Variants in CARMIL1 observed in about 807,000 individuals in gnomAD.
The protein encoded by CARMIL1 is F-actin-uncapping protein LRRC16A.
In CARMIL1, 90 loss-of-function variants were observed where a neutral mutation model predicts 177.1. The observed-to-expected ratio is 0.51, with a 90% confidence interval of 0.43 to 0.61. The LOEUF is 0.61. Among genes scored for constraint, CARMIL1 ranks in the 20% least tolerant of loss-of-function variants. The pLI is 0.00. For synonymous variants in CARMIL1, 577 were observed against 606.2 expected (o/e 0.95, Z 0.71); for missense variants, 1,380 against 1,667.0 (o/e 0.83, Z 3.00).
intron 2 of CARMIL1, among the ~76,000 whole-genome samples, chr6:25,354,752 G>A (rs2150369795): frequency 6.6e-6 from 1 of 152,290 alleles, no homozygotes; most frequent in South Asian, 2.1e-4. Flanking sequence ...ATTAAGCCCA[G>A]CCTGACCTCA....
chr6:25,459,273 T>TCTTTCTTTCTTTCTTTCTTCC (rs1390647134), intron 8 of CARMIL1, among the ~76,000 whole-genome samples: 1 of 132,754 alleles, frequency 7.5e-6, no homozygotes, highest in Non-Finnish European at 1.6e-5. Flanking sequence ...TTTCTTTTTT[T>TCTTTCTTTCTTTCTTTCTTCC]TTTTTTTAAG....
In CARMIL1 at chr6:25,451,993, CCT is replaced by C. The variant is rs1276833141; in HGVS notation, c.614+1284_614+1285del. 1.5e-3 allele frequency: 105 copies of C among 67,910 alleles called. 2 individuals are homozygous for C. Among genetic ancestry groups the C allele is most frequent in the Middle Eastern group, 4.4e-3 (1 of 226 alleles). 4.2% of individuals were successfully genotyped at this position (67,910 alleles called of 1,614,324 possible). A position where few individuals can be genotyped will look rare whatever the true frequency, so the allele number is the denominator to read the frequency against. ...TCTCATCACTAGCATCTTGCCCCCC[CCT>C]CCCCCCCCCAGAATACTGTTTTGAA... On this transcript the variant is annotated intron_variant, in intron 8 of 36. Coordinates refer to ENST00000329474, the MANE Select transcript of CARMIL1 (RefSeq NM_017640.6).
At chr6:25,402,042 T>G (rs1404988783) in intron 2 of CARMIL1, among the ~76,000 whole-genome samples, 1 of 152,090 alleles carries the variant, frequency 6.6e-6, no homozygotes, top group Non-Finnish European at 1.5e-5. Flanking sequence ...CCTTCCTAAT[T>G]TCTCTTCTTT....
chr6:25,442,855 C>T (rs890573607), intron 5 of CARMIL1, among the ~76,000 whole-genome samples: 5 of 152,160 alleles, frequency 3.3e-5, no homozygotes, highest in Non-Finnish European at 7.4e-5. Context: ...TGATTGATTT[C>T]CCCTTAACCC....
Position 25,435,989 on chromosome 6 carries a change from A to G in CARMIL1, c.371+385A>G, listed in dbSNP as rs182918198. ...AAGTATAATGCAGATGAAGAGAGAG[A>G]CAGTGCTTTATTTTCTTTGCTTTTT... On this transcript the variant is annotated intron_variant, in intron 5 of 36. Coordinates refer to ENST00000329474, the MANE Select transcript of CARMIL1 (RefSeq NM_017640.6). Among the ~76,000 whole-genome samples, 306 of 152,310 alleles carry G rather than the reference A, an allele frequency of 2.0e-3. 1 individual carries two copies. Among genetic ancestry groups the G allele is most frequent in the African/African-American group, 6.9e-3 (285 of 41,562 alleles).
chr6:25,600,419 A>T lies in CARMIL1; in HGVS notation c.3225A>T (p.Lys1075Asn). The T allele has an allele frequency of 6.2e-7, 1 of 1,613,998 alleles. No individual in the cohort carries two copies. The highest frequency in any genetic ancestry group is 1.1e-5 in the South Asian group (1 of 91,084). ...RKSSGFLNLI[K>N]SRSKSERPPT... ...GTAGTGGCTTTCTCAATTTAATCAA[A>T]TCCCGGTCCAAATCCGAGCGACCAC... is the stretch of plus-strand genomic sequence containing the variant. Residue 1075 changes from lysine to asparagine, a missense_variant, in exon 33 of 37, where the codon AAA becomes AAT. Physicochemically the swap from Lys to Asn is moderately conservative, Grantham distance 94. Transcript: ENST00000329474.
chr6:25,500,897 C>A (rs995966880), intron 17 of CARMIL1, among the ~76,000 whole-genome samples: 3 of 151,664 alleles, frequency 2.0e-5, no homozygotes, highest in African/African-American at 4.8e-5. Context: ...GCAGCTGGGA[C>A]TACAGGCGCC....
chr6:25,283,060 A>T (rs894512183), intron 1 of CARMIL1, among the ~76,000 whole-genome samples: 3 of 152,220 alleles, frequency 2.0e-5, no homozygotes, highest in African/African-American at 7.2e-5. Context: ...AGTAGAATAT[A>T]ACCAGGAGGA....
intron 8 of CARMIL1, among the ~76,000 whole-genome samples, chr6:25,461,345 G>A (rs1800099897): frequency 6.6e-6 from 1 of 152,224 alleles, no homozygotes; most frequent in South Asian, 2.1e-4. Flanking sequence ...AGTGCTAAGT[G>A]TTCTGGTTAT....
At chr6:25,378,675 T>C (rs568115918) in intron 2 of CARMIL1, among the ~76,000 whole-genome samples, 4 of 152,286 alleles carry the variant, frequency 2.6e-5, no homozygotes, top group East Asian at 1.9e-4. Context: ...CCTTGTGGCC[T>C]GGATTGCCAG....
chr6:25,525,943 A>G (rs1430898452), intron 23 of CARMIL1, among the ~76,000 whole-genome samples: 1 of 152,188 alleles, frequency 6.6e-6, no homozygotes, highest in Non-Finnish European at 1.5e-5. Flanking sequence ...AACAGTTACA[A>G]ACATGGTAGA....
At chr6:25,361,795 A>G (rs1789223524) in intron 2 of CARMIL1, among the ~76,000 whole-genome samples, 1 of 152,110 alleles carries the variant, frequency 6.6e-6, no homozygotes, top group Non-Finnish European at 1.5e-5. Flanking sequence ...CTTTATAAGA[A>G]GAGAGACCTG....
At chr6:25,366,378 C>T (rs1388713775) in intron 2 of CARMIL1, among the ~76,000 whole-genome samples, 1 of 151,936 alleles carries the variant, frequency 6.6e-6, no homozygotes, top group Non-Finnish European at 1.5e-5. Flanking sequence ...ACTTCCTCAC[C>T]TTCTTCAAAT....
intron 2 of CARMIL1, among the ~76,000 whole-genome samples, chr6:25,416,884 A>G (rs56139105): frequency 0.4 from 60,424 of 151,956 alleles, 12,152 homozygotes; most frequent in Middle Eastern, 0.47. Flanking sequence ...TTTTACCTCT[A>G]TGCAGAGGTT....
intron 12 of CARMIL1, among the ~76,000 whole-genome samples, chr6:25,483,681 CAA>C (rs11452946): frequency 3.3e-5 from 3 of 90,440 alleles, no homozygotes; most frequent in Non-Finnish European, 2.1e-5. Context: ...ATCTCTGTCT[CAA>C]AAAAAAAAAA....
intron 17 of CARMIL1, among the ~76,000 whole-genome samples, chr6:25,502,341 G>A (rs1804470953): frequency 6.6e-6 from 1 of 151,566 alleles, no homozygotes; most frequent in Non-Finnish European, 1.5e-5. Flanking sequence ...GGTGGATTAC[G>A]AGGTCAGGAG....
rs3747525 is a variant in CARMIL1 at position 25,619,555 on chromosome 6, A to T, written c.4088A>T (p.Glu1363Val). Reference protein sequence around the residue: ...QGSKSNDSGEEAEKEFIFV With the variant: ...QGSKSNDSGEVAEKEFIFV ...AGCAAATCTAATGACTCCGGGGAAG[A>T]AGCAGAAAAAGAGTTTATTTTTGTG... The change falls in exon 37 of 37, where the codon GAA (glutamate) becomes GTA (valine). Residue 1363 changes from glutamate (E) to valine (V), a missense_variant. Transcript: ENST00000329474. 12 of 1,613,678 alleles carry T rather than the reference A, an allele frequency of 7.4e-6. No homozygotes were observed. Among genetic ancestry groups the T allele is most frequent in the African/African-American group, 1.3e-5 (1 of 74,888 alleles).
intron 8 of CARMIL1, among the ~76,000 whole-genome samples, chr6:25,464,453 G>C (rs1434305700): frequency 6.6e-6 from 1 of 152,098 alleles, no homozygotes. Context: ...AGATTTAAAT[G>C]AACTGGTATA....
chr6:25,400,781 A>G (rs939891260), intron 2 of CARMIL1, among the ~76,000 whole-genome samples: 7 of 152,208 alleles, frequency 4.6e-5, no homozygotes, highest in African/African-American at 1.7e-4. Flanking sequence ...GCCTTTCTCT[A>G]TGTTAGCACT....
Sources: allele counts gnomAD v4.1 joint callset (sites outside exome capture counted in the v4.1 genomes callset), GRCh38; gene constraint gnomAD v4.1.1; transcripts MANE v1.5; gene names NCBI Gene and HGNC (gene_info 2026-07-23, HGNC 2026-07-21).